PCDHGA12: variants seen among roughly 807,000 people sequenced by gnomAD.
PCDHGA12 encodes protocadherin gamma subfamily A, 12, also known as protocadherin gamma-A12.
A neutral mutation model predicts 61.1 loss-of-function variants in PCDHGA12; 43 were observed. That is an observed-to-expected ratio of 0.70 (90% confidence interval 0.55 to 0.91). The LOEUF (loss-of-function observed/expected upper bound fraction) is 0.91, where lower values mean the gene tolerates loss of function less well. PCDHGA12 is among the 40% of genes least tolerant of loss of function. The pLI, the probability that PCDHGA12 is intolerant of heterozygous loss-of-function variation, is 0.00. For synonymous variants in PCDHGA12, 520 were observed against 542.9 expected, an observed-to-expected ratio of 0.96 and a Z score of 0.59; for missense variants, 1,236 against 1,227.7, an observed-to-expected ratio of 1.01 and a Z score of -0.10.
At chr5:141,447,642 T>G (rs1275164919) in intron 1 of PCDHGA12, among the ~76,000 whole-genome samples, 2 of 152,166 alleles carry the variant, frequency 1.3e-5, no homozygotes, top group Non-Finnish European at 2.9e-5. Flanking sequence ...TGAATGATGG[T>G]AGAATTTTCC....
At chr5:141,448,316 T>G (rs1042171540) in intron 1 of PCDHGA12, among the ~76,000 whole-genome samples, 2 of 152,174 alleles carry the variant, frequency 1.3e-5, no homozygotes, top group Admixed American at 1.3e-4. Context: ...AGGAATCTTT[T>G]CTTTGAATCT....
intron 1 of PCDHGA12, among the ~76,000 whole-genome samples, chr5:141,483,689 G>A (rs1234666254): frequency 6.6e-6 from 1 of 152,022 alleles, no homozygotes; most frequent in Non-Finnish European, 1.5e-5. Flanking sequence ...CAGAAAGCCA[G>A]ATTCCTCTTT....
At position 141,491,660 on chromosome 5, in the gene PCDHGA12, C is replaced by A; in HGVS notation, c.2425-3147C>A. ...ACAGCTCTGGCGCTGGAGCCTGACGCCATCCGGTCCCGCTCTAATACGCTG... is the reference window on the plus strand; with the variant it reads ...ACAGCTCTGGCGCTGGAGCCTGACGACATCCGGTCCCGCTCTAATACGCTG... On this transcript the variant is annotated intron_variant, in intron 1 of 3. Transcript: ENST00000252085. The surrounding 1 kb of genome is among the most constrained non-coding windows in gnomAD (Gnocchi z 6.9). The A allele has an allele frequency of 6.2e-7, 1 of 1,613,810 alleles. No individual in the cohort carries two copies. The highest frequency in any genetic ancestry group is 8.5e-7 in the Non-Finnish European group (1 of 1,180,008).
At chr5:141,464,870 C>G (rs1488189681) in intron 1 of PCDHGA12, among the ~76,000 whole-genome samples, 1 of 152,126 alleles carries the variant, frequency 6.6e-6, no homozygotes, top group Non-Finnish European at 1.5e-5. Flanking sequence ...TCCCAAGTAG[C>G]TAGGACTACA....
chr5:141,468,230 TAGG>T (rs1451844939), intron 1 of PCDHGA12, among the ~76,000 whole-genome samples: 9 of 141,220 alleles, frequency 6.4e-5, no homozygotes, highest in South Asian at 2.2e-4. Context: ...GAGGATGAGG[TAGG>T]AGAATTGCCT....
chr5:141,481,352 C>T (rs1007066307), intron 1 of PCDHGA12, among the ~76,000 whole-genome samples: 3 of 152,222 alleles, frequency 2.0e-5, no homozygotes, highest in East Asian at 1.9e-4. Flanking sequence ...TAAACATCTA[C>T]AGCTGTTCAA....
intron 1 of PCDHGA12, among the ~76,000 whole-genome samples, chr5:141,451,365 G>C (rs557753113): frequency 2.0e-5 from 3 of 152,116 alleles, no homozygotes; most frequent in Non-Finnish European, 4.4e-5. Context: ...GGATGGATCC[G>C]CTTCTAATCT....
chr5:141,501,664 TATAG>T (rs1161034391), intron 2 of PCDHGA12, among the ~76,000 whole-genome samples: 1 of 152,064 alleles, frequency 6.6e-6, no homozygotes, highest in East Asian at 1.9e-4. Flanking sequence ...TGTTGGAAAA[TATAG>T]ATAATCACAA....
intron 1 of PCDHGA12, among the ~76,000 whole-genome samples, chr5:141,455,177 T>C (rs2098816411): frequency 6.6e-6 from 1 of 152,040 alleles, no homozygotes; most frequent in Non-Finnish European, 1.5e-5. Context: ...TTTTAGTTTT[T>C]TTATTTCTCT....
intron 1 of PCDHGA12, among the ~76,000 whole-genome samples, chr5:141,459,838 A>G (rs944807247): frequency 6.6e-6 from 1 of 152,098 alleles, no homozygotes; most frequent in Non-Finnish European, 1.5e-5. Flanking sequence ...TGTGTTGTCT[A>G]TTTGTATATC....
intron 1 of PCDHGA12, chr5:141,439,845 T>C (rs983341549): frequency 6.6e-6 from 1 of 152,252 alleles, no homozygotes; most frequent in Non-Finnish European, 1.5e-5. Flanking sequence ...ACTCTAACTG[T>C]GGAAAAGGTG....
In PCDHGA12 at chr5:141,490,639, C is replaced by T. The variant is rs1345892739; in HGVS notation, c.2425-4168C>T. 25 of 1,614,200 alleles carry T rather than the reference C, an allele frequency of 1.5e-5. No homozygotes were observed. Among genetic ancestry groups the T allele is most frequent in the East Asian group, 2.2e-5 (1 of 44,878 alleles). ...TTACACTGCTTACATCCTAGAAAAC[C>T]GGCCTCCGGGCTCCCTTCTTTGCAC... On this transcript the variant is annotated intron_variant, in intron 1 of 3. Transcript: ENST00000252085. This position sits in a 1 kb window ranked among gnomAD's most constrained non-coding sequence, Gnocchi z 5.4.
chr5:141,460,686 C>A (rs2098995566), intron 1 of PCDHGA12, among the ~76,000 whole-genome samples: 1 of 151,698 alleles, frequency 6.6e-6, no homozygotes, highest in Admixed American at 6.6e-5. Context: ...TCTATATATC[C>A]ACCAACAGTT....
chr5:141,491,253 T>C lies in PCDHGA12; in HGVS notation c.2425-3554T>C, dbSNP rs71583648. The C allele has an allele frequency of 2.3e-3, 3,639 of 1,614,176 alleles. 33 individuals carry two copies. The African/African-American group carries it at 0.026, about 11-fold the overall frequency. Reference sequence around the variant, plus strand: ...TGCTGGTTCTGGAGGATGAGGACCCTGAGGAAATGCCCAAATCCAGTGACT... The same window carrying C: ...TGCTGGTTCTGGAGGATGAGGACCCCGAGGAAATGCCCAAATCCAGTGACT... On this transcript the variant is annotated intron_variant, in intron 1 of 3. Coordinates refer to ENST00000252085, the MANE Select transcript of PCDHGA12 (RefSeq NM_003735.3). This position sits in a 1 kb window ranked among gnomAD's most constrained non-coding sequence, Gnocchi z 6.9.
chr5:141,500,005 G>A (rs994274763), intron 2 of PCDHGA12, among the ~76,000 whole-genome samples: 30 of 151,476 alleles, frequency 2.0e-4, no homozygotes, highest in Non-Finnish European at 3.8e-4. Context: ...TCTTTCATAA[G>A]GTCCACATTT....
intron 1 of PCDHGA12, among the ~76,000 whole-genome samples, chr5:141,465,263 T>C (rs538393085): frequency 1.3e-5 from 2 of 152,326 alleles, no homozygotes; most frequent in African/African-American, 4.8e-5. Flanking sequence ...GCAATGATAC[T>C]AGCCATTTAG....
At chr5:141,447,130 T>A (rs2098527397) in intron 1 of PCDHGA12, among the ~76,000 whole-genome samples, 1 of 152,146 alleles carries the variant, frequency 6.6e-6, no homozygotes, top group Admixed American at 6.6e-5. Context: ...TTTTTTTGTT[T>A]GTTTGTTTTT....
chr5:141,459,090 A>G (rs769066156), intron 1 of PCDHGA12, among the ~76,000 whole-genome samples: 4 of 152,218 alleles, frequency 2.6e-5, no homozygotes, highest in Non-Finnish European at 4.4e-5. Flanking sequence ...TTAAAATTAT[A>G]CAGTGCAATG....
chr5:141,455,725 C>T (rs1001661569), intron 1 of PCDHGA12, among the ~76,000 whole-genome samples: 4 of 152,136 alleles, frequency 2.6e-5, no homozygotes, highest in South Asian at 2.1e-4. Context: ...TAATGGCCTG[C>T]ATTTGCATAT....
Sources: gnomAD v4.1 joint callset for allele counts (sites outside exome capture counted in the v4.1 genomes callset) on GRCh38, gnomAD v4.1.1 for gene constraint, Gnocchi (gnomAD v3.1) non-coding constraint, MANE v1.5 for transcripts, NCBI Gene and HGNC (gene_info 2026-07-23, HGNC 2026-07-21) for gene names.